PRKN: variants seen among roughly 807,000 people sequenced by gnomAD.
PRKN encodes the protein parkin RBR E3 ubiquitin protein ligase.
PRKN carries 56 observed loss-of-function variants against 59.5 expected under a neutral mutation model. The ratio of observed to expected loss-of-function variants is 0.94; its 90% confidence interval spans 0.76 to 1.18. PRKN has a LOEUF of 1.18. Among genes scored for constraint, PRKN ranks in the 50% most tolerant of loss-of-function variants. The pLI is 0.00. For synonymous variants in PRKN, 250 were observed against 222.1 expected, an observed-to-expected ratio of 1.13 and a Z score of -1.12; for missense variants, 657 against 596.4, an observed-to-expected ratio of 1.10 and a Z score of -1.06.
At chr6:162,683,098 T>C (rs1229787718) in intron 1 of PRKN, among the ~76,000 whole-genome samples, 1 of 152,160 alleles carries the variant, frequency 6.6e-6, no homozygotes, top group Non-Finnish European at 1.5e-5. Flanking sequence ...TTATTATGAA[T>C]GCAAAACAGC....
At chr6:161,599,092 G>C (rs1782019747) in intron 7 of PRKN, among the ~76,000 whole-genome samples, 1 of 152,184 alleles carries the variant, frequency 6.6e-6, no homozygotes, top group Non-Finnish European at 1.5e-5. Context: ...TCAGACAAGG[G>C]GTGGGAGCAG....
At chr6:161,555,340 C>T (rs778240567) in intron 8 of PRKN, among the ~76,000 whole-genome samples, 4 of 152,114 alleles carry the variant, frequency 2.6e-5, no homozygotes, top group South Asian at 2.1e-4. Context: ...GTTCTACATT[C>T]GCTGCATCAT....
intron 7 of PRKN, among the ~76,000 whole-genome samples, chr6:161,739,642 T>C (rs1341072820): frequency 6.6e-6 from 1 of 152,216 alleles, no homozygotes; most frequent in African/African-American, 2.4e-5. Flanking sequence ...GAAAGATGTT[T>C]GCCAAATAAA....
At chr6:162,428,189 T>A (rs1196151337) in intron 2 of PRKN, among the ~76,000 whole-genome samples, 2 of 152,210 alleles carry the variant, frequency 1.3e-5, no homozygotes, top group Non-Finnish European at 2.9e-5. Flanking sequence ...AATGTCAGAC[T>A]TGCAAAAGAA....
intron 4 of PRKN, among the ~76,000 whole-genome samples, chr6:162,088,226 C>T (rs1165301325): frequency 6.6e-6 from 1 of 152,104 alleles, no homozygotes; most frequent in Non-Finnish European, 1.5e-5. Flanking sequence ...ATAAATGTCC[C>T]TGAAAGTTTC....
In PRKN at chr6:161,599,292, C is replaced by T. The variant is rs78832575; in HGVS notation, c.872-29876G>A. On this transcript the variant is annotated intron_variant, in intron 7 of 11. Transcript: ENST00000366898. ...ATGGATATATTCTTGTGACTCAGAT[C>T]CTGCTAGTGCAATGTTGATTTCCAT... Among the ~76,000 whole-genome samples the T allele has an allele frequency of 2.9e-3, 441 of 152,272 alleles. 1 individual carries two copies. The highest frequency in any genetic ancestry group is 0.01 in the African/African-American group (422 of 41,546).
intron 1 of PRKN, among the ~76,000 whole-genome samples, chr6:162,572,152 T>C (rs558704698): frequency 7.2e-5 from 11 of 152,274 alleles, no homozygotes; most frequent in African/African-American, 2.4e-4. Context: ...CCCAAATGTG[T>C]CTTTGAATGT....
chr6:161,440,006 AG>A lies in PRKN; in HGVS notation c.1084-53130del, dbSNP rs1464131967. Among the ~76,000 whole-genome samples, 2 of 150,298 alleles carry A rather than the reference AG, an allele frequency of 1.3e-5. No homozygotes were observed. ...CACTCTGCCGCCCAGGCTGGAGTGC[AG>A]TGGCGCGATCTCGGCTCACTGCAAG... is the stretch of plus-strand genomic sequence containing the variant. On this transcript the variant is annotated intron_variant, in intron 9 of 11. Transcript: ENST00000366898. The surrounding 1 kb of genome is among the most constrained non-coding windows in gnomAD (Gnocchi z 4.1).
intron 1 of PRKN, among the ~76,000 whole-genome samples, chr6:162,664,526 C>A (rs1044106726): frequency 6.6e-6 from 1 of 152,142 alleles, no homozygotes; most frequent in Non-Finnish European, 1.5e-5. Flanking sequence ...TAAAAGTGTT[C>A]CTATTTCTCC....
chr6:161,793,921 A>G (rs1349192365), intron 6 of PRKN, among the ~76,000 whole-genome samples: 1 of 152,170 alleles, frequency 6.6e-6, no homozygotes, highest in East Asian at 1.9e-4. Context: ...GTAAGTCAAC[A>G]TCCCATCTGG....
At chr6:162,650,752 T>C (rs1452270092) in intron 1 of PRKN, among the ~76,000 whole-genome samples, 1 of 152,206 alleles carries the variant, frequency 6.6e-6, no homozygotes, top group Non-Finnish European at 1.5e-5. Flanking sequence ...TGGCTTATCC[T>C]AGAGTCCAAT....
At chr6:162,144,772 C>A (rs964378116) in intron 4 of PRKN, among the ~76,000 whole-genome samples, 4 of 152,114 alleles carry the variant, frequency 2.6e-5, no homozygotes, top group Admixed American at 2.0e-4. Flanking sequence ...GGGTTGCTAA[C>A]CCTGACTGTA....
chr6:161,508,509 C>A lies in PRKN; in HGVS notation c.1083+40345G>T, dbSNP rs1426686659. ...TCCATTACACATGATGAAAAATTCT[C>A]CCCTGCCATATTGTAAGATCATTTC... On this transcript the variant is annotated intron_variant, in intron 9 of 11. Transcript: ENST00000366898. 2.0e-5 allele frequency among the ~76,000 whole-genome samples: 3 copies of A among 152,176 alleles called. No homozygotes were observed. The East Asian group carries it at 5.8e-4, about 29-fold the overall frequency.
chr6:162,096,780 T>G, intron 4 of PRKN, among the ~76,000 whole-genome samples: 1 of 151,698 alleles, frequency 6.6e-6, no homozygotes, highest in African/African-American at 2.4e-5. Context: ...AACCTCTTTT[T>G]TTTTTATAAA....
intron 4 of PRKN, among the ~76,000 whole-genome samples, chr6:162,143,463 G>A (rs2128311492): frequency 6.6e-6 from 1 of 152,208 alleles, no homozygotes; most frequent in East Asian, 1.9e-4. Flanking sequence ...TCTCAGTGGT[G>A]ATACATGGCG....
chr6:162,481,221 T>G (rs1282166891), intron 1 of PRKN, among the ~76,000 whole-genome samples: 1 of 152,200 alleles, frequency 6.6e-6, no homozygotes, highest in Non-Finnish European at 1.5e-5. Context: ...ACCCATTCCC[T>G]ATTGATCTAG....
rs1779021486 is a variant in PRKN, at chr6:161,526,501, C to A, written c.1083+22353G>T. 6.6e-6 allele frequency among the ~76,000 whole-genome samples: 1 copy of A among 151,660 alleles called. No homozygotes were observed. Among genetic ancestry groups the A allele is most frequent in the African/African-American group, 2.4e-5 (1 of 41,356 alleles). ...TGTTGTCCTGTCTTGCTAATTCTTTCTTGTTTACATGCTATAACCATTAGA... is the reference window on the plus strand; with the variant it reads ...TGTTGTCCTGTCTTGCTAATTCTTTATTGTTTACATGCTATAACCATTAGA... On this transcript the variant is annotated intron_variant, in intron 9 of 11. Transcript: ENST00000366898. The surrounding 1 kb of genome is among the most constrained non-coding windows in gnomAD (Gnocchi z 4.1).
chr6:162,164,576 T>C (rs1489662191), intron 4 of PRKN, among the ~76,000 whole-genome samples: 1 of 148,856 alleles, frequency 6.7e-6, no homozygotes, highest in African/African-American at 2.5e-5. Context: ...AATCTATATG[T>C]TACTGTGGAA....
intron 6 of PRKN, among the ~76,000 whole-genome samples, chr6:161,872,715 C>T (rs959484110): frequency 5.1e-4 from 78 of 152,072 alleles, no homozygotes; most frequent in East Asian, 1.9e-4. Context: ...CCGGCCCTCC[C>T]GCCTCTGTCC....
Sources: allele counts gnomAD v4.1 joint callset (sites outside exome capture counted in the v4.1 genomes callset), GRCh38; gene constraint gnomAD v4.1.1; non-coding constraint Gnocchi (gnomAD v3.1); transcripts MANE v1.5; gene names NCBI Gene and HGNC (gene_info 2026-07-23, HGNC 2026-07-21).